Variants in DHRS4L2 observed in about 807,000 individuals in gnomAD.
DHRS4L2 encodes dehydrogenase/reductase 4 like 2.
In DHRS4L2, 22 loss-of-function variants were observed where a neutral mutation model predicts 23.9. That is an observed-to-expected ratio of 0.92 (90% CI 0.66 to 1.31). The LOEUF is 1.31. DHRS4L2 is among the 40% of genes most tolerant of loss of function. The pLI is 0.00. For missense variants in DHRS4L2, 385 were observed against 303.3 expected (o/e 1.27, Z -2.00); for synonymous variants, 141 against 123.7 (o/e 1.14, Z -0.93).
At chr14:23,978,249 A>G (rs370926906) in intron 1 of DHRS4L2, among the ~76,000 whole-genome samples, 10 of 150,752 alleles carry the variant, frequency 6.6e-5, no homozygotes, top group South Asian at 2.1e-4. Flanking sequence ...ATTGTTTGAA[A>G]TAGCAAAACA....
chr14:23,987,876 C>G (rs2034183399), upstream of DHRS4L2, among the ~76,000 whole-genome samples: 1 of 149,742 alleles, frequency 6.7e-6, no homozygotes, highest in African/African-American at 2.5e-5. Context: ...CTGTTGCGGC[C>G]TTTCTACACT....
intron 2 of DHRS4L2, 66 bp from the exon 3 acceptor site, chr14:23,994,966 C>G: frequency 1.3e-6 from 2 of 1,591,908 alleles, no homozygotes; most frequent in East Asian, 2.2e-5. Context: ...AAGTTTTTAT[C>G]AACATGGGTA....
intron 3 of DHRS4L2, among the ~76,000 whole-genome samples, chr14:23,999,344 T>TAAAAA (rs71426825): frequency 3.4e-4 from 18 of 53,666 alleles, no homozygotes; most frequent in Non-Finnish European, 5.7e-4. Context: ...CTCCAATTTG[T>TAAAAA]AAAAAAAAAA....
intron 1 of DHRS4L2, among the ~76,000 whole-genome samples, chr14:23,971,565 G>C (rs570424767): frequency 4.6e-5 from 7 of 152,102 alleles, no homozygotes; most frequent in African/African-American, 1.7e-4. Context: ...GCAAGGTTAA[G>C]GGCAGCCAGA....
chr14:23,986,699 C>T (rs371521984), upstream of DHRS4L2, among the ~76,000 whole-genome samples: 13 of 151,302 alleles, frequency 8.6e-5, no homozygotes, highest in East Asian at 1.9e-4. Flanking sequence ...TCAGTGGGCC[C>T]GTCTACCTCT....
chr14:23,994,586 G>T (rs2034339640), intron 2 of DHRS4L2, among the ~76,000 whole-genome samples: 1 of 151,550 alleles, frequency 6.6e-6, no homozygotes, highest in Non-Finnish European at 1.5e-5. Flanking sequence ...TACTTGGGGG[G>T]CTGAGCCAAG....
rs535982449 is a variant in DHRS4L2 at position 23,991,479 on chromosome 14, G to A, written c.306+1120G>A. On this transcript the variant is annotated intron_variant, in intron 2 of 7. Transcript: ENST00000335125. ...AAATCCTCCTAGAAAAACAACCTGT[G>A]CCCCCCACCAGGTTCACTTAACATG... Among the ~76,000 whole-genome samples the A allele has an allele frequency of 2.2e-4, 33 of 151,854 alleles. No individual in the cohort carries two copies. In the South Asian group the frequency reaches 3.3e-3, roughly 15 times the overall value.
chr14:23,983,359 A>G (rs2034085952), intron 1 of DHRS4L2, among the ~76,000 whole-genome samples: 1 of 151,764 alleles, frequency 6.6e-6, no homozygotes, highest in Admixed American at 6.6e-5. Flanking sequence ...TAGAATGGCA[A>G]TCATTAAAAT....
Position 24,005,911 on chromosome 14 carries a change from G to A in DHRS4L2, c.*48G>A, listed in dbSNP as rs1161933364. 5.0e-6 allele frequency: 8 copies of A among 1,605,738 alleles called. No individual in the cohort carries two copies. The highest frequency in any genetic ancestry group is 6.8e-6 in the Non-Finnish European group (8 of 1,176,590). On this transcript the variant is annotated 3_prime_UTR_variant, in exon 8 of 8. Coordinates refer to ENST00000335125, the MANE Select transcript of DHRS4L2 (RefSeq NM_198083.4). ...GTTAGGCGAGCCAGAGGATTGTGCT[G>A]GCATCGTGTCTTTCCTGTGCTCTGA...
At position 24,006,133 on chromosome 14, in the gene DHRS4L2, G is replaced by C; in HGVS notation, c.*270G>C. The C allele has an allele frequency of 7.6e-7, 1 of 1,321,348 alleles. No individual in the cohort carries two copies. The highest frequency in any genetic ancestry group is 1.0e-6 in the Non-Finnish European group (1 of 990,998). The allele number at this position is 1,321,348 out of a possible 1,614,324, so 81.9% of individuals were successfully genotyped here. ...TCAAATCAGTTCTGCCCTGTGAAAAGATCCAGCCTTCCCTGCCGTCAAGGT... is the reference window on the plus strand; with the variant it reads ...TCAAATCAGTTCTGCCCTGTGAAAACATCCAGCCTTCCCTGCCGTCAAGGT... On this transcript the variant is annotated 3_prime_UTR_variant, in exon 8 of 8. Transcript: ENST00000335125.
chr14:23,970,014 G>T, exon 1 of DHRS4L2: 1 of 455,778 alleles, frequency 2.2e-6, no homozygotes, highest in Non-Finnish European at 4.4e-6. Flanking sequence ...CTTTACTGAA[G>T]CGGAGTCTAG....
intron 2 of DHRS4L2, chr14:23,990,683 C>G (rs924112051): frequency 1.8e-6 from 2 of 1,100,056 alleles, no homozygotes; most frequent in Non-Finnish European, 2.2e-6. Flanking sequence ...ACATTCCCCT[C>G]TTCTTCAGCT....
chr14:23,969,988 G>A (rs1370222587), exon 1 of DHRS4L2: 2 of 455,060 alleles, frequency 4.4e-6, no homozygotes, highest in Non-Finnish European at 8.8e-6. Context: ...CTCTGCGGCA[G>A]CCCTCACCGC....
At chr14:23,983,870 A>G (rs2034094782), upstream of DHRS4L2, among the ~76,000 whole-genome samples, 1 of 151,346 alleles carries the variant, frequency 6.6e-6, no homozygotes, top group Admixed American at 6.6e-5. Context: ...ATCACACACC[A>G]GGGCCTGTTG....
chr14:23,991,519 C>T (rs760217701), intron 2 of DHRS4L2, among the ~76,000 whole-genome samples: 4 of 151,714 alleles, frequency 2.6e-5, no homozygotes, highest in Non-Finnish European at 4.4e-5. Flanking sequence ...ACAGGCCTGG[C>T]CCAGAAGTGG....
intron 1 of DHRS4L2, among the ~76,000 whole-genome samples, chr14:23,976,346 AT>A (rs1222547520): frequency 1.3e-5 from 2 of 151,986 alleles, no homozygotes; most frequent in East Asian, 3.8e-4. Flanking sequence ...CAACAGACAT[AT>A]GAATAAATGC....
At chr14:23,999,145 G>A (rs2034436844) in intron 3 of DHRS4L2, among the ~76,000 whole-genome samples, 1 of 144,960 alleles carries the variant, frequency 6.9e-6, no homozygotes, top group Admixed American at 7.0e-5. Context: ...TTTTCTGGGT[G>A]TGGTTTGTGG....
chr14:23,994,212 A>G (rs909987712), intron 2 of DHRS4L2, among the ~76,000 whole-genome samples: 1 of 151,742 alleles, frequency 6.6e-6, no homozygotes, highest in Non-Finnish European at 1.5e-5. Context: ...TTCAGGGAGA[A>G]CTGGACAGTA....
chr14:23,994,812 G>T (rs1293328945), intron 2 of DHRS4L2, among the ~76,000 whole-genome samples: 1 of 151,620 alleles, frequency 6.6e-6, no homozygotes, highest in South Asian at 2.1e-4. Context: ...TGTTGTCATT[G>T]TTGTTGTTGT....
Sources: gnomAD v4.1 joint callset for allele counts (sites outside exome capture counted in the v4.1 genomes callset) on GRCh38, gnomAD v4.1.1 for gene constraint, MANE v1.5 for transcripts, NCBI Gene and HGNC (gene_info 2026-07-23, HGNC 2026-07-21) for gene names.